The following PFKFB3 variants were observed in gnomAD, a reference collection of about 807,000 sequenced individuals.
The protein encoded by PFKFB3 is 6-phosphofructo-2-kinase/fructose-2,6-biphosphatase 3, also known as 6-phosphofructo-2-kinase/fructose-2,6-bisphosphatase 3.
Under a neutral mutation model 68.0 loss-of-function variants are expected in PFKFB3, and 33 were observed. The ratio of observed to expected loss-of-function variants is 0.49; its 90% CI spans 0.37 to 0.65. The LOEUF is 0.65. PFKFB3 is among the 30% of genes least tolerant of loss of function. PFKFB3 has a pLI of 0.00. For synonymous variants in PFKFB3, 315 were observed against 288.2 expected (o/e 1.09, Z -0.94); for missense variants, 586 against 712.2 (o/e 0.82, Z 2.02).
At chr10:6,275,837 TA>T in the PFKFB3 span, among the ~76,000 whole-genome samples, 51 of 150,710 alleles carry the variant, frequency 3.4e-4, no homozygotes, top group South Asian at 2.6e-3. This position sits in a 1 kb window ranked among gnomAD's most constrained non-coding sequence, Gnocchi z 4.9. Context: ...ATTTTTTTTT[TA>T]ATGGCTTAAG....
chr10:6,308,351 A>C, the PFKFB3 span, among the ~76,000 whole-genome samples: 8 of 152,136 alleles, frequency 5.3e-5, no homozygotes, highest in Non-Finnish European at 7.3e-5. Context: ...CATCTCTCCC[A>C]AAAATACAAA....
intron 1 of PFKFB3, among the ~76,000 whole-genome samples, chr10:6,171,019 T>G (rs897981031): frequency 6.6e-6 from 1 of 151,842 alleles, no homozygotes; most frequent in African/African-American, 2.4e-5. Flanking sequence ...AAAGTCTTTC[T>G]TCTCTATTTT....
At chr10:6,232,822 C>T (rs1182318503) in intron 14 of PFKFB3, 73 bp from the exon 15 acceptor site, 23 of 1,157,812 alleles carry the variant, frequency 2.0e-5, no homozygotes, top group Non-Finnish European at 2.7e-5. Context: ...GCATGGCTCG[C>T]GTCTTCTGCT....
chr10:6,207,872 G>T (rs1478534837), intron 1 of PFKFB3, among the ~76,000 whole-genome samples: 1 of 152,156 alleles, frequency 6.6e-6, no homozygotes, highest in African/African-American at 2.4e-5. Context: ...GCAAGGTCTA[G>T]CTTTCCTTTC....
In PFKFB3 at chr10:6,228,829, G is replaced by A. The variant is rs77864661; in HGVS notation, c.1515+2464G>A. Among the ~76,000 whole-genome samples, 3,079 of 152,202 alleles carry A rather than the reference G, an allele frequency of 0.02. 92 individuals carry two copies. The highest frequency in any genetic ancestry group is 0.069 in the African/African-American group (2,874 of 41,500). Reference sequence around the variant, plus strand: ...CCTGCTCAGCGTCATAGTCACGCCCGGGGCTGGGTGCAGCCTCCATCTCTA... The same window carrying A: ...CCTGCTCAGCGTCATAGTCACGCCCAGGGCTGGGTGCAGCCTCCATCTCTA... On this transcript the variant is annotated intron_variant, in intron 14 of 14. Coordinates refer to ENST00000379775, the MANE Select transcript of PFKFB3 (RefSeq NM_004566.4). The surrounding 1 kb of genome is among the most constrained non-coding windows in gnomAD (Gnocchi z 4.5).
the PFKFB3 span, among the ~76,000 whole-genome samples, chr10:6,298,458 C>T: frequency 0.011 from 1,606 of 151,358 alleles, 31 homozygotes; most frequent in African/African-American, 0.037. Flanking sequence ...TTACAGCCTT[C>T]TACTCCTGGG....
At chr10:6,147,571 G>C (rs961906870) in intron 1 of PFKFB3, among the ~76,000 whole-genome samples, 1 of 152,256 alleles carries the variant, frequency 6.6e-6, no homozygotes, top group East Asian at 1.9e-4. Flanking sequence ...CTGGGCATTA[G>C]CACCTTGAGG....
the PFKFB3 span, among the ~76,000 whole-genome samples, chr10:6,292,274 TTTTC>T: frequency 4.9e-4 from 63 of 129,190 alleles, 6 homozygotes; most frequent in African/African-American, 1.8e-3. Context: ...TACTTTTTTT[TTTTC>T]TTTTTTTTTT....
chr10:6,185,049 C>T (rs1428633859), intron 1 of PFKFB3, among the ~76,000 whole-genome samples: 2 of 152,180 alleles, frequency 1.3e-5, no homozygotes, highest in African/African-American at 4.8e-5. Flanking sequence ...TTTATTGAAA[C>T]CCGACACAAA....
At chr10:6,148,496 A>G (rs1841470224) in intron 1 of PFKFB3, among the ~76,000 whole-genome samples, 1 of 152,158 alleles carries the variant, frequency 6.6e-6, no homozygotes, top group African/African-American at 2.4e-5. Flanking sequence ...AGGTGGGGGA[A>G]GGATGGTGCA....
At chr10:6,283,631 G>A in the PFKFB3 span, among the ~76,000 whole-genome samples, 1 of 150,694 alleles carries the variant, frequency 6.6e-6, no homozygotes, top group Non-Finnish European at 1.5e-5. Context: ...ACTGGAGAGA[G>A]GAGCTGTAGC....
the PFKFB3 span, among the ~76,000 whole-genome samples, chr10:6,261,406 C>A: frequency 6.6e-6 from 1 of 152,310 alleles, no homozygotes; most frequent in South Asian, 2.1e-4. Context: ...AGACTATTAT[C>A]CTTAGCAAAC....
At chr10:6,227,811 T>A (rs1845455463) in intron 14 of PFKFB3, among the ~76,000 whole-genome samples, 1 of 152,184 alleles carries the variant, frequency 6.6e-6, no homozygotes, top group Non-Finnish European at 1.5e-5. Context: ...CATATTCCCT[T>A]GCAGGTCTCA....
At chr10:6,223,930 A>C in intron 11 of PFKFB3, 28 bp from the exon 12 acceptor site, 2 of 1,605,668 alleles carry the variant, frequency 1.2e-6, no homozygotes, top group Middle Eastern at 3.3e-4. Context: ...TCTCATTTCT[A>C]ACTGTGGGTG....
the PFKFB3 span, among the ~76,000 whole-genome samples, chr10:6,264,738 C>T: frequency 6.6e-6 from 1 of 152,134 alleles, no homozygotes; most frequent in Non-Finnish European, 1.5e-5. Flanking sequence ...TTTTCATTCT[C>T]TCTATACGTG....
At chr10:6,270,287 C>G in the PFKFB3 span, among the ~76,000 whole-genome samples, 336 of 152,258 alleles carry the variant, frequency 2.2e-3, no homozygotes, top group African/African-American at 7.6e-3. Flanking sequence ...AAATCTCTCA[C>G]GGAGATAATG....
the PFKFB3 span, among the ~76,000 whole-genome samples, chr10:6,267,316 C>T: frequency 6.6e-6 from 1 of 152,200 alleles, no homozygotes; most frequent in African/African-American, 2.4e-5. Context: ...TGCTGGCTAC[C>T]CTGGACGTAC....
chr10:6,284,089 T>C, the PFKFB3 span, among the ~76,000 whole-genome samples: 1 of 152,184 alleles, frequency 6.6e-6, no homozygotes, highest in Non-Finnish European at 1.5e-5. Context: ...TTAAGGTGGA[T>C]TTTATGACCC....
chr10:6,197,500 C>A (rs559614169), intron 1 of PFKFB3: 6 of 152,312 alleles, frequency 3.9e-5, no homozygotes, highest in Non-Finnish European at 7.3e-5. Flanking sequence ...TTTCTCAGAA[C>A]ATATCCCCAT....
Sources: gnomAD v4.1 joint callset for allele counts (sites outside exome capture counted in the v4.1 genomes callset) on GRCh38, gnomAD v4.1.1 for gene constraint, Gnocchi (gnomAD v3.1) non-coding constraint, MANE v1.5 for transcripts, NCBI Gene and HGNC (gene_info 2026-07-23, HGNC 2026-07-21) for gene names.